Variants in TSPOAP1 observed in about 807,000 individuals in gnomAD.
TSPOAP1 encodes TSPO associated protein 1.
A neutral mutation model predicts 197.0 loss-of-function variants in TSPOAP1; 87 were observed. The ratio of observed to expected loss-of-function variants is 0.44; its 90% CI spans 0.37 to 0.53. The LOEUF is 0.53. Ranked by LOEUF, TSPOAP1 falls within the 20% of genes least tolerant of loss-of-function variation. TSPOAP1 has a pLI of 0.00. For synonymous variants in TSPOAP1, 913 were observed against 998.9 expected, an observed-to-expected ratio of 0.91 and a Z score of 1.62; for missense variants, 2,174 against 2,411.3, an observed-to-expected ratio of 0.90 and a Z score of 2.06.
rs1450249581 is a variant in TSPOAP1 at position 58,306,985 on chromosome 17, T to C, written c.4984-17A>G. The C allele has an allele frequency of 3.7e-6, 6 of 1,609,380 alleles. No individual in the cohort carries two copies. The highest frequency in any genetic ancestry group is 3.3e-4 in the Middle Eastern group (2 of 6,054). On this transcript the variant is annotated splice_polypyrimidine_tract_variant and intron_variant, in intron 24 of 31. Coordinates refer to ENST00000343736, the MANE Select transcript of TSPOAP1 (RefSeq NM_004758.4). ...CCCAAACACCTGGAGGCAAAACCAGTGGTCTCAGCCAGTTCTGCTCACTCC... is the reference window on the plus strand; with the variant it reads ...CCCAAACACCTGGAGGCAAAACCAGCGGTCTCAGCCAGTTCTGCTCACTCC...
Position 58,327,866 on chromosome 17 carries a change from A to T in TSPOAP1, c.55T>A (p.Trp19Arg). ...RPGDPGAMEPWALPTWHSWTP... is the reference protein window; with the variant it reads ...RPGDPGAMEPRALPTWHSWTP... ...CAGCTATGCCAGGTGGGCAGTGCCC[A>T]TGGCTCCATGGCTCCAGGGTCCCCA... Residue 19 changes from tryptophan to arginine, a missense_variant, in exon 1 of 32, where the codon TGG (tryptophan) becomes AGG (arginine). Transcript: ENST00000343736. 6.2e-7 allele frequency: 1 copy of T among 1,611,356 alleles called. No individual in the cohort carries two copies. Among genetic ancestry groups the T allele is most frequent in the Non-Finnish European group, 8.5e-7 (1 of 1,178,108 alleles).
chr17:58,319,753 G>A (rs572058759), intron 12 of TSPOAP1, among the ~76,000 whole-genome samples: 5 of 152,250 alleles, frequency 3.3e-5, no homozygotes, highest in South Asian at 2.1e-4. Context: ...GGATGTCTTC[G>A]TGATGGGAAT....
In TSPOAP1 at chr17:58,326,862, G is replaced by T; in HGVS notation, c.334-72C>A. On this transcript the variant is annotated intron_variant, in intron 1 of 31. Transcript: ENST00000343736. This position sits in a 1 kb window ranked among gnomAD's most constrained non-coding sequence, Gnocchi z 4.7. The stretch of plus-strand genomic sequence containing the variant: ...CCCAGCCAGAGCCTTCCCTGTGGAA[G>T]CATCCACCATCCATGGTCCAAGGAG... 1 of 1,274,890 alleles carries T rather than the reference G, an allele frequency of 7.8e-7. No homozygotes were observed. The highest frequency in any genetic ancestry group is 1.1e-6 in the Non-Finnish European group (1 of 875,788). The allele number at this position is 1,274,890 out of a possible 1,614,324, so 79.0% of individuals were successfully genotyped here. A position where few individuals can be genotyped will look rare whatever the true frequency, so the allele number is the denominator to read the frequency against.
Position 58,302,115 on chromosome 17 carries a change from C to T in TSPOAP1, c.*365G>A, listed in dbSNP as rs531275846. 2.0e-4 allele frequency: 132 copies of T among 649,644 alleles called. 3 individuals carry two copies. The South Asian group carries it at 2.4e-3, about 12-fold the overall frequency. 40.2% of individuals were successfully genotyped at this position (649,644 alleles called of 1,614,324 possible). A position where few individuals can be genotyped will look rare whatever the true frequency, so the allele number is the denominator to read the frequency against. The stretch of plus-strand genomic sequence containing the variant: ...TCCTTAAGGAGCCATTTAGCTCTGA[C>T]CTTCACCAAGGCTCTTTGATTCCCT... On this transcript the variant is annotated 3_prime_UTR_variant, in exon 32 of 32. Transcript: ENST00000343736.
chr17:58,307,441 C>T, intron 24 of TSPOAP1, 170 bp downstream of exon 24: 1 of 878,754 alleles, frequency 1.1e-6, no homozygotes, highest in Non-Finnish European at 1.7e-6. Context: ...AGGTAATCTA[C>T]TCAAGGTTAC....
Position 58,309,258 on chromosome 17 carries a change from C to T in TSPOAP1, c.4014G>A (p.Glu1338=), listed in dbSNP as rs1971008112. The change falls in exon 22 of 32, where the codon GAG becomes GAA. Residue 1338 remains glutamate, a synonymous_variant. Transcript: ENST00000343736. This position sits in a 1 kb window ranked among gnomAD's most constrained non-coding sequence, Gnocchi z 5.0. The part of the protein sequence containing the change: ...KLFSIPEEEE[E]EEEDEEEEKS... ...TCTCCTCCTCCTCGTCCTCCTCTTC[C>T]TCTTCCTCCTCCTCCGGGATGCTAA... 4 of 1,613,990 alleles carry T rather than the reference C, an allele frequency of 2.5e-6. No individual in the cohort carries two copies. The highest frequency in any genetic ancestry group is 2.2e-5 in the South Asian group (2 of 91,088).
Position 58,327,991 on chromosome 17 carries a change from T to A in TSPOAP1, c.-71A>T. On this transcript the variant is annotated 5_prime_UTR_variant, in exon 1 of 32. Transcript: ENST00000343736. ...AGCCAGGTGGGGGGACTGGCGAGGGTCATGCCAGGCCAGCCCCTCTCCCCT... is the reference window on the plus strand; with the variant it reads ...AGCCAGGTGGGGGGACTGGCGAGGGACATGCCAGGCCAGCCCCTCTCCCCT... 1 of 1,350,198 alleles carries A rather than the reference T, an allele frequency of 7.4e-7. No individual in the cohort carries two copies. The highest frequency in any genetic ancestry group is 1.0e-6 in the Non-Finnish European group (1 of 999,506). 83.6% of individuals were successfully genotyped at this position (1,350,198 alleles called of 1,614,324 possible). A position where few individuals can be genotyped will look rare whatever the true frequency, so the allele number is the denominator to read the frequency against.
In TSPOAP1 at chr17:58,325,009, T is replaced by C; in HGVS notation, c.751-7A>G. 2 of 1,520,742 alleles carry C rather than the reference T, an allele frequency of 1.3e-6. No homozygotes were observed. The highest frequency in any genetic ancestry group is 1.8e-6 in the Non-Finnish European group (2 of 1,132,790). 94.2% of individuals were successfully genotyped at this position (1,520,742 alleles called of 1,614,324 possible). A position where few individuals can be genotyped will look rare whatever the true frequency, so the allele number is the denominator to read the frequency against. On this transcript the variant is annotated splice_polypyrimidine_tract_variant and splice_region_variant and intron_variant, in intron 4 of 31. Coordinates refer to ENST00000343736, the MANE Select transcript of TSPOAP1 (RefSeq NM_004758.4). Reference sequence around the variant, plus strand: ...GGAGCCACTGGGGACCCTCCTGAGGTTGGGGGACAGGGACAGGGAGGGGAC... The same window carrying C: ...GGAGCCACTGGGGACCCTCCTGAGGCTGGGGGACAGGGACAGGGAGGGGAC...
intron 25 of TSPOAP1, 172 bp from the exon 26 acceptor site, chr17:58,306,585 G>A: frequency 3.4e-6 from 3 of 893,912 alleles, no homozygotes; most frequent in Non-Finnish European, 3.4e-6. Context: ...AAAATTCCTG[G>A]CTGCATGGCT....
chr17:58,307,549 G>A, intron 24 of TSPOAP1, 62 bp downstream of exon 24: 1 of 1,571,048 alleles, frequency 6.4e-7, no homozygotes, highest in Non-Finnish European at 8.7e-7. Context: ...TGGAGGAAAG[G>A]AGGGAGGAGG....
chr17:58,302,370 C>T lies in TSPOAP1; in HGVS notation c.*110G>A, dbSNP rs768318643. The T allele has an allele frequency of 2.2e-5, 28 of 1,288,740 alleles. 1 individual carries two copies. In the South Asian group the frequency reaches 3.0e-4, roughly 14 times the overall value. 79.8% of individuals were successfully genotyped at this position (1,288,740 alleles called of 1,614,324 possible). On this transcript the variant is annotated 3_prime_UTR_variant, in exon 32 of 32. Transcript: ENST00000343736. Reference sequence around the variant, plus strand: ...TGCCCTGGGGCTCCCCACGTTCAATCCTGGGGGCGCTGCCAGAGCTGGGGG... The same window carrying T: ...TGCCCTGGGGCTCCCCACGTTCAATTCTGGGGGCGCTGCCAGAGCTGGGGG...
At position 58,318,451 on chromosome 17, in the gene TSPOAP1, G is replaced by T; in HGVS notation, c.1701C>A (p.Asp567Glu). The change falls in exon 14 of 32, where the codon GAC becomes GAA. Residue 567 changes from aspartate (D) to glutamate (E), a missense_variant and splice_region_variant. Transcript: ENST00000343736. The stretch of plus-strand genomic sequence containing the variant: ...CAGGGGAGCCCGGCGGGAGGTCAAG[G>T]TCTAAAGAGAAGATGGCACGTGGGC... ...PQPCRGSGPK[D>E]LDLPPGSPGR... 2 of 1,611,820 alleles carry T rather than the reference G, an allele frequency of 1.2e-6. No homozygotes were observed. The highest frequency in any genetic ancestry group is 1.3e-5 in the African/African-American group (1 of 74,980).
intron 14 of TSPOAP1, 50 bp from the exon 15 acceptor site, chr17:58,316,590 C>T (rs766553289): frequency 1.0e-4 from 150 of 1,485,264 alleles, no homozygotes; most frequent in South Asian, 2.3e-4. Context: ...TGGGGCCAAG[C>T]GCCAAGCAGG....
At chr17:58,317,684 T>C (rs1265230796) in intron 14 of TSPOAP1, among the ~76,000 whole-genome samples, 2 of 152,158 alleles carry the variant, frequency 1.3e-5, no homozygotes, top group East Asian at 3.9e-4. Flanking sequence ...GAAGGATGAG[T>C]TGACGACCAG....
chr17:58,319,618 C>T (rs1268082593), intron 12 of TSPOAP1, among the ~76,000 whole-genome samples: 1 of 152,260 alleles, frequency 6.6e-6, no homozygotes, highest in Non-Finnish European at 1.5e-5. Context: ...GGATCATTCC[C>T]ACCCCATCAT....
chr17:58,310,421 G>A, intron 20 of TSPOAP1, 91 bp downstream of exon 20: 1 of 1,551,132 alleles, frequency 6.4e-7, no homozygotes, highest in South Asian at 1.2e-5. Context: ...GCAGAGGACA[G>A]GCAGAGAGGG....
intron 22 of TSPOAP1, 149 bp from the exon 23 acceptor site, chr17:58,308,090 G>A: frequency 2.4e-6 from 2 of 837,028 alleles, no homozygotes; most frequent in East Asian, 2.7e-5. Flanking sequence ...GCCTGCTGGA[G>A]ACCTCAGACA....
In TSPOAP1 at chr17:58,309,741, T is replaced by C. The variant is rs1221098890; in HGVS notation, c.3891+226A>G. On this transcript the variant is annotated intron_variant, in intron 21 of 31. Transcript: ENST00000343736. This position sits in a 1 kb window ranked among gnomAD's most constrained non-coding sequence, Gnocchi z 5.0. Reference sequence around the variant, plus strand: ...GGCCAGGGCGCTGTATCTGGTGGGCTGGAGGGAGAGAAGGTACAGAAATGA... The same window carrying C: ...GGCCAGGGCGCTGTATCTGGTGGGCCGGAGGGAGAGAAGGTACAGAAATGA... Among the ~76,000 whole-genome samples, 1 of 152,248 alleles carries C rather than the reference T, an allele frequency of 6.6e-6. No individual in the cohort carries two copies. Among genetic ancestry groups the C allele is most frequent in the Non-Finnish European group, 1.5e-5 (1 of 68,050 alleles).
At position 58,306,854 on chromosome 17, in the gene TSPOAP1, G is replaced by A. The variant is rs2144031148; in HGVS notation, c.5098C>T (p.Gln1700Ter). The A allele has an allele frequency of 6.2e-7, 1 of 1,613,766 alleles. No individual in the cohort carries two copies. The highest frequency in any genetic ancestry group is 2.2e-5 in the East Asian group (1 of 44,892). ...AAATAACCCCGCTGGAGCAGTTGCT[G>A]TCTCCCAGCAGGGCTGTCCACAGCC... is the stretch of plus-strand genomic sequence containing the variant. Reference protein sequence around the residue: ...EVAVDSPAGRQQLLQRGYLSP... With the variant: ...EVAVDSPAGR Residue 1700 changes from glutamine (Q) to a stop codon, truncating the protein, a stop_gained, in exon 25 of 32, where the codon CAG becomes TAG. Transcript: ENST00000343736. LOFTEE classifies it high-confidence loss of function.
Sources: allele counts gnomAD v4.1 joint callset (sites outside exome capture counted in the v4.1 genomes callset), GRCh38; gene constraint gnomAD v4.1.1; non-coding constraint Gnocchi (gnomAD v3.1); transcripts MANE v1.5; gene names NCBI Gene and HGNC (gene_info 2026-07-23, HGNC 2026-07-21).